Variants in PHACTR1 observed in about 807,000 individuals in gnomAD.
PHACTR1 encodes the protein RPEL repeat containing 1.
PHACTR1 carries 16 observed loss-of-function variants against 69.2 expected under a neutral mutation model. The observed-to-expected ratio is 0.23, with a 90% CI of 0.16 to 0.35. PHACTR1 has a LOEUF of 0.35. PHACTR1 is among the 10% of genes least tolerant of loss of function. The pLI, the probability that PHACTR1 is intolerant of heterozygous loss-of-function variation, is 1.00. For missense variants in PHACTR1, 510 were observed against 734.7 expected (o/e 0.69, Z 3.54); for synonymous variants, 312 against 284.5 (o/e 1.10, Z -0.97).
At chr6:13,254,427 GA>G (rs976275590) in intron 10 of PHACTR1, among the ~76,000 whole-genome samples, 16 of 152,302 alleles carry the variant, frequency 1.1e-4, no homozygotes, top group Admixed American at 1.0e-3. Context: ...TCCTTAAAGA[GA>G]AATGGTGCAA....
At chr6:13,271,721 T>A (rs1384284803) in intron 10 of PHACTR1, among the ~76,000 whole-genome samples, 3 of 152,014 alleles carry the variant, frequency 2.0e-5, no homozygotes, top group Non-Finnish European at 4.4e-5. Flanking sequence ...ATATTTTCCG[T>A]CAGCAGTTGG....
At chr6:13,135,392 T>C (rs1583522752) in intron 5 of PHACTR1, among the ~76,000 whole-genome samples, 2 of 152,232 alleles carry the variant, frequency 1.3e-5, no homozygotes, top group Non-Finnish European at 2.9e-5. Context: ...TTAGACATTG[T>C]ACACCTGCCC....
chr6:13,146,026 A>G (rs1823295226), intron 5 of PHACTR1, among the ~76,000 whole-genome samples: 1 of 152,244 alleles, frequency 6.6e-6, no homozygotes, highest in African/African-American at 2.4e-5. Flanking sequence ...CCTAGCTTGT[A>G]AGGCTTAAAA....
At chr6:13,076,157 CA>C (rs1221894200) in intron 5 of PHACTR1, among the ~76,000 whole-genome samples, 1 of 150,810 alleles carries the variant, frequency 6.6e-6, no homozygotes, top group African/African-American at 2.4e-5. Context: ...ATGCCAGGTA[CA>C]AAAAATAGAG....
intron 4 of PHACTR1, among the ~76,000 whole-genome samples, chr6:12,772,111 A>G (rs1053785495): frequency 1.3e-5 from 2 of 152,206 alleles, no homozygotes; most frequent in Non-Finnish European, 2.9e-5. Flanking sequence ...GAAAGGTGAG[A>G]ACAAGTGCCC....
At chr6:13,201,707 G>C (rs1183360923) in intron 7 of PHACTR1, among the ~76,000 whole-genome samples, 2 of 152,204 alleles carry the variant, frequency 1.3e-5, no homozygotes, top group Non-Finnish European at 2.9e-5. Flanking sequence ...AGTTCAGAAT[G>C]ACAGATAATA....
chr6:12,959,358 A>G (rs1029590996), intron 4 of PHACTR1, among the ~76,000 whole-genome samples: 5 of 152,124 alleles, frequency 3.3e-5, no homozygotes, highest in Non-Finnish European at 5.9e-5. Context: ...AAGACTGTGG[A>G]TCATGAATTT....
intron 10 of PHACTR1, among the ~76,000 whole-genome samples, chr6:13,236,091 A>ATT (rs556107685): frequency 0.067 from 9,728 of 144,346 alleles, 963 homozygotes; most frequent in African/African-American, 0.22. Flanking sequence ...AACTATGGGC[A>ATT]TTTTTTTTTT....
chr6:13,145,645 A>G (rs1823221187), intron 5 of PHACTR1, among the ~76,000 whole-genome samples: 1 of 152,220 alleles, frequency 6.6e-6, no homozygotes, highest in Admixed American at 6.5e-5. Context: ...GATAGAATTA[A>G]CGTCCTTGCA....
intron 10 of PHACTR1, among the ~76,000 whole-genome samples, chr6:13,247,467 TC>T (rs1240526046): frequency 6.6e-6 from 1 of 151,752 alleles, no homozygotes; most frequent in Admixed American, 6.6e-5. Flanking sequence ...TACCTCAGCC[TC>T]CCAAGTAGCT....
intron 4 of PHACTR1, among the ~76,000 whole-genome samples, chr6:12,969,252 A>C (rs146371588): frequency 6.6e-6 from 1 of 152,210 alleles, no homozygotes; most frequent in South Asian, 2.1e-4. Context: ...TTAAAATCAG[A>C]TATCTTATCT....
At chr6:12,833,424 A>G (rs1221604913) in intron 4 of PHACTR1, among the ~76,000 whole-genome samples, 1 of 151,696 alleles carries the variant, frequency 6.6e-6, no homozygotes, top group Non-Finnish European at 1.5e-5. Flanking sequence ...ACACCTGGCT[A>G]ATTTTTGTAT....
intron 5 of PHACTR1, among the ~76,000 whole-genome samples, chr6:13,133,777 C>G (rs1470106397): frequency 6.7e-6 from 1 of 150,282 alleles, no homozygotes; most frequent in Admixed American, 6.6e-5. Context: ...TGTGAGGAGC[C>G]CCTCTGCCCG....
intron 4 of PHACTR1, among the ~76,000 whole-genome samples, chr6:12,778,844 G>A (rs888404064): frequency 1.2e-4 from 19 of 152,062 alleles, no homozygotes; most frequent in African/African-American, 4.1e-4. Context: ...TATATTACAC[G>A]GTCACTACTA....
At chr6:12,737,197 G>A (rs1429941465) in intron 3 of PHACTR1, among the ~76,000 whole-genome samples, 2 of 152,054 alleles carry the variant, frequency 1.3e-5, no homozygotes, top group Non-Finnish European at 2.9e-5. Context: ...ATTGCTCTAG[G>A]CTACTAACTT....
At chr6:13,057,250 C>A (rs1337025283) in intron 5 of PHACTR1, among the ~76,000 whole-genome samples, 1 of 151,950 alleles carries the variant, frequency 6.6e-6, no homozygotes, top group Non-Finnish European at 1.5e-5. Flanking sequence ...ATCACATGTA[C>A]CCCCAAAATA....
intron 3 of PHACTR1, among the ~76,000 whole-genome samples, chr6:12,734,325 T>C (rs1434228050): frequency 2.0e-5 from 3 of 152,204 alleles, no homozygotes; most frequent in Non-Finnish European, 2.9e-5. Context: ...TCAGCCACAG[T>C]CTTGCTTGGA....
intron 5 of PHACTR1, among the ~76,000 whole-genome samples, chr6:13,085,888 T>G (rs1398068427): frequency 6.6e-6 from 1 of 151,880 alleles, no homozygotes; most frequent in Non-Finnish European, 1.5e-5. Context: ...TAAAGCAGTA[T>G]GTAGAGGTAA....
At chr6:13,206,871 A>G (rs1766006294) in intron 8 of PHACTR1, among the ~76,000 whole-genome samples, 1 of 152,168 alleles carries the variant, frequency 6.6e-6, no homozygotes, top group Non-Finnish European at 1.5e-5. Context: ...GAGAAAACCC[A>G]TGCAGTCGTG....
Sources: gnomAD v4.1 joint callset for allele counts (sites outside exome capture counted in the v4.1 genomes callset) on GRCh38, gnomAD v4.1.1 for gene constraint, MANE v1.5 for transcripts, NCBI Gene and HGNC (gene_info 2026-07-23, HGNC 2026-07-21) for gene names.